Variants in DNAJC24 observed in about 807,000 individuals in gnomAD.
The protein encoded by DNAJC24 is DnaJ heat shock protein family (Hsp40) member C24, also known as dnaJ homolog subfamily C member 24.
Under a neutral mutation model 18.0 loss-of-function variants are expected in DNAJC24, and 17 were observed. The observed-to-expected ratio is 0.94, with a 90% CI of 0.65 to 1.42. The LOEUF is 1.42. Ranked by LOEUF, DNAJC24 falls within the 40% of genes most tolerant of loss-of-function variation. The pLI, the probability that DNAJC24 is intolerant of heterozygous loss-of-function variation, is 0.00. For missense variants in DNAJC24, 158 were observed against 175.6 expected (o/e 0.90, Z 0.57); for synonymous variants, 55 against 57.7 (o/e 0.95, Z 0.21).
intron 3 of DNAJC24, chr11:31,416,930 T>C (rs942586472): frequency 6.6e-6 from 1 of 152,154 alleles, no homozygotes; most frequent in Non-Finnish European, 1.5e-5. Flanking sequence ...TGGAAGCACC[T>C]GTGGCCTACT....
At chr11:31,383,094 A>G (rs1423685005) in intron 2 of DNAJC24, among the ~76,000 whole-genome samples, 7 of 152,112 alleles carry the variant, frequency 4.6e-5, no homozygotes, top group Admixed American at 1.3e-4. Context: ...TTTGGAGTGC[A>G]CTGCCCTTCT....
At position 31,426,361 on chromosome 11, in the gene DNAJC24, A is replaced by T; in HGVS notation, c.319+6A>T. The T allele has an allele frequency of 7.0e-7, 1 of 1,418,552 alleles. No homozygotes were observed. Among genetic ancestry groups the T allele is most frequent in the Non-Finnish European group, 9.5e-7 (1 of 1,051,142 alleles). The allele number at this position is 1,418,552 out of a possible 1,614,324, so 87.9% of individuals were successfully genotyped here. On this transcript the variant is annotated splice_donor_region_variant and intron_variant, in intron 4 of 4. Transcript: ENST00000465995. Reference sequence around the variant, plus strand: ...AGAAATGTCTTGGAATGAAGGTTGGATTTTTTTTTTCTCTTGACAACATTT... The same window carrying T: ...AGAAATGTCTTGGAATGAAGGTTGGTTTTTTTTTTTCTCTTGACAACATTT...
At chr11:31,426,946 A>G (rs1207259989) in intron 4 of DNAJC24, 2 of 152,064 alleles carry the variant, frequency 1.3e-5, no homozygotes, top group East Asian at 3.9e-4. Context: ...CTTAAATTCA[A>G]TGTCGTTTCC....
chr11:31,397,311 T>C (rs1409927289), intron 2 of DNAJC24, among the ~76,000 whole-genome samples: 1 of 152,232 alleles, frequency 6.6e-6, no homozygotes, highest in African/African-American at 2.4e-5. Context: ...GTGGGTTATA[T>C]TTTCTCTGAA....
At chr11:31,385,599 G>T (rs1952420771) in intron 2 of DNAJC24, among the ~76,000 whole-genome samples, 1 of 152,128 alleles carries the variant, frequency 6.6e-6, no homozygotes, top group Admixed American at 6.5e-5. Flanking sequence ...ATCATTAAAA[G>T]ACTTGTTTCT....
chr11:31,379,750 GAAAT>G (rs888661422), intron 2 of DNAJC24, among the ~76,000 whole-genome samples: 25 of 151,856 alleles, frequency 1.6e-4, no homozygotes, highest in African/African-American at 6.0e-4. Flanking sequence ...GACAGTGAAA[GAAAT>G]AAATCTTTTT....
At chr11:31,379,821 G>C (rs1053296790) in intron 2 of DNAJC24, among the ~76,000 whole-genome samples, 2 of 151,832 alleles carry the variant, frequency 1.3e-5, no homozygotes, top group African/African-American at 4.8e-5. Context: ...GCAGTGGTGC[G>C]ATCTAGTCTC....
intron 2 of DNAJC24, 124 bp from the exon 3 acceptor site, chr11:31,414,687 C>G: frequency 2.0e-6 from 2 of 1,014,228 alleles, no homozygotes; most frequent in Non-Finnish European, 2.9e-6. Context: ...GTCTCATTGC[C>G]TTGGCATTTG....
At chr11:31,423,120 TAGCCACTTA>T (rs1952823996) in intron 3 of DNAJC24, among the ~76,000 whole-genome samples, 1 of 152,224 alleles carries the variant, frequency 6.6e-6, no homozygotes, top group South Asian at 2.1e-4. Context: ...TTTAAAAATG[TAGCCACTTA>T]AGAGTCTCAA....
intron 4 of DNAJC24, chr11:31,426,560 C>T: frequency 2.4e-6 from 1 of 410,298 alleles, no homozygotes; most frequent in East Asian, 3.8e-5. Flanking sequence ...TGACTCATTT[C>T]CAGTTATTTT....
intron 2 of DNAJC24, among the ~76,000 whole-genome samples, chr11:31,411,248 A>G (rs1952706111): frequency 6.6e-6 from 1 of 152,186 alleles, no homozygotes; most frequent in Admixed American, 6.5e-5. Flanking sequence ...ATAGAGAAAA[A>G]TACCATATTT....
chr11:31,425,282 C>G (rs1297742263), intron 3 of DNAJC24, among the ~76,000 whole-genome samples: 1 of 152,124 alleles, frequency 6.6e-6, no homozygotes, highest in Non-Finnish European at 1.5e-5. Context: ...GTTACTTAAT[C>G]TCTTGCAAAC....
intron 2 of DNAJC24, among the ~76,000 whole-genome samples, chr11:31,385,916 G>A (rs1160040322): frequency 2.0e-5 from 3 of 152,226 alleles, no homozygotes; most frequent in Middle Eastern, 3.4e-3. Flanking sequence ...GCCACATGGC[G>A]TGGAAAGAGA....
chr11:31,401,903 T>C (rs1220217997), intron 2 of DNAJC24, among the ~76,000 whole-genome samples: 1 of 152,174 alleles, frequency 6.6e-6, no homozygotes, highest in African/African-American at 2.4e-5. Flanking sequence ...AATAAATTTA[T>C]AGGATTATTC....
rs551179036 is a variant in DNAJC24, at chr11:31,403,930, C to T, written c.112-10881C>T. 1.1e-3 allele frequency among the ~76,000 whole-genome samples: 172 copies of T among 152,296 alleles called. 1 individual carries two copies. The highest frequency in any genetic ancestry group is 5.0e-3 in the Admixed American group (77 of 15,300). ...GGCTACTCCATAGGCAGAGCAGCCCCGAGGGCTGTTGGTTGCCCATTTTTA... is the reference window on the plus strand; with the variant it reads ...GGCTACTCCATAGGCAGAGCAGCCCTGAGGGCTGTTGGTTGCCCATTTTTA... On this transcript the variant is annotated intron_variant, in intron 2 of 4. Coordinates refer to ENST00000465995, the MANE Select transcript of DNAJC24 (RefSeq NM_181706.5).
intron 2 of DNAJC24, among the ~76,000 whole-genome samples, chr11:31,377,257 T>C (rs1036374145): frequency 6.6e-6 from 1 of 152,136 alleles, no homozygotes; most frequent in Non-Finnish European, 1.5e-5. Context: ...ACAATACATA[T>C]TGATTTAGTA....
At chr11:31,398,187 T>C (rs1273564311) in intron 2 of DNAJC24, among the ~76,000 whole-genome samples, 1 of 152,208 alleles carries the variant, frequency 6.6e-6, no homozygotes, top group African/African-American at 2.4e-5. Context: ...TTAACTACAG[T>C]TATTAAATGC....
chr11:31,416,601 T>C (rs1952753332), intron 3 of DNAJC24: 1 of 152,098 alleles, frequency 6.6e-6, no homozygotes, highest in African/African-American at 2.4e-5. Flanking sequence ...TCAATGTTGC[T>C]CTACATTTTT....
chr11:31,371,968 G>A (rs537427322), intron 2 of DNAJC24, among the ~76,000 whole-genome samples: 1 of 151,514 alleles, frequency 6.6e-6, no homozygotes, highest in African/African-American at 2.4e-5. Context: ...GGATTAAGGC[G>A]CATGCCACCA....
Sources: allele counts gnomAD v4.1 joint callset (sites outside exome capture counted in the v4.1 genomes callset), GRCh38; gene constraint gnomAD v4.1.1; transcripts MANE v1.5; gene names NCBI Gene and HGNC (gene_info 2026-07-23, HGNC 2026-07-21).